Variants in ECM2 observed in about 807,000 individuals in gnomAD.
ECM2 encodes extracellular matrix protein 2, female organ and adipocyte specific.
In ECM2, 57 loss-of-function variants were observed where a neutral mutation model predicts 67.5. The observed-to-expected ratio is 0.84, with a 90% CI of 0.68 to 1.05. The LOEUF is 1.05. Ranked by LOEUF, ECM2 falls within the 50% of genes least tolerant of loss-of-function variation. The probability of loss-of-function intolerance (pLI) is 0.00; values close to 1 mark genes in which losing one functional copy is unlikely to be tolerated. For synonymous variants in ECM2, 258 were observed against 294.5 expected (o/e 0.88, Z 1.27); for missense variants, 741 against 822.8 (o/e 0.90, Z 1.22).
At chr9:92,546,470 G>C in the ECM2 span, among the ~76,000 whole-genome samples, 1 of 152,140 alleles carries the variant, frequency 6.6e-6, no homozygotes, top group African/African-American at 2.4e-5. Context: ...CCTGAAGCCA[G>C]CGAGTCCACG....
chr9:92,549,052 G>A, the ECM2 span, among the ~76,000 whole-genome samples: 2 of 152,130 alleles, frequency 1.3e-5, no homozygotes, highest in Non-Finnish European at 2.9e-5. Context: ...ATAAACAATG[G>A]ACAGTGGCAC....
intron 2 of ECM2, among the ~76,000 whole-genome samples, 194 bp downstream of exon 2, chr9:92,522,381 T>C (rs2131243872): frequency 6.6e-6 from 1 of 152,264 alleles, no homozygotes; most frequent in Admixed American, 6.5e-5. Context: ...CCACCGCGCC[T>C]GGCCCTATTT....
At position 92,502,395 on chromosome 9, in the gene ECM2, C is replaced by T. The variant is rs955227641; in HGVS notation, c.1604+118G>A. The T allele has an allele frequency of 5.5e-6, 7 of 1,271,532 alleles. No homozygotes were observed. In the South Asian group the frequency reaches 6.7e-5, roughly 12 times the overall value. The allele number at this position is 1,271,532 out of a possible 1,614,324, so 78.8% of individuals were successfully genotyped here. On this transcript the variant is annotated intron_variant, in intron 8 of 9. Coordinates refer to ENST00000344604, the MANE Select transcript of ECM2 (RefSeq NM_001393.4). Reference sequence around the variant, plus strand: ...GTTCACTAAGAAACGATTCTGTCTCCGAGCCCTTCAGTATCGTCACCTCCC... The same window carrying T: ...GTTCACTAAGAAACGATTCTGTCTCTGAGCCCTTCAGTATCGTCACCTCCC...
rs1257683701 is a variant in ECM2, at chr9:92,512,033, C to T, written c.1148G>A (p.Gly383Asp). Residue 383 changes from glycine to aspartate, a missense_variant, in exon 5 of 10, where the codon GGC becomes GAC. Gly to Asp is a moderately conservative substitution (Grantham distance 94, BLOSUM62 -1). Transcript: ENST00000344604. Reference sequence around the variant, plus strand: ...TACCTTGAATGCTTTTGGACCTATGCCTGAAGAAGTGATATTATTTTTACT... The same window carrying T: ...TACCTTGAATGCTTTTGGACCTATGTCTGAAGAAGTGATATTATTTTTACT... Reference protein sequence around the residue: ...DLSKNNITSSGIGPKAFKLLK... With the variant: ...DLSKNNITSSDIGPKAFKLLK... The T allele has an allele frequency of 4.3e-6, 7 of 1,612,748 alleles. No individual in the cohort carries two copies. Among genetic ancestry groups the T allele is most frequent in the Non-Finnish European group, 3.4e-6 (4 of 1,179,278 alleles).
At chr9:92,506,497 G>C (rs1279969453) in intron 6 of ECM2, among the ~76,000 whole-genome samples, 2 of 152,206 alleles carry the variant, frequency 1.3e-5, no homozygotes, top group Non-Finnish European at 2.9e-5. Context: ...AGGCATCTGA[G>C]TCAGAGGCTC....
intron 3 of ECM2, among the ~76,000 whole-genome samples, chr9:92,516,077 C>CA (rs1004605913): frequency 2.0e-5 from 3 of 149,892 alleles, no homozygotes; most frequent in African/African-American, 7.4e-5. Flanking sequence ...TTTTTTCCCC[C>CA]CCCCGAGACG....
chr9:92,533,303 C>CA (rs1174584000), intron 1 of ECM2, among the ~76,000 whole-genome samples: 361 of 29,884 alleles, frequency 0.012, 44 homozygotes, highest in Non-Finnish European at 0.017. Context: ...CGGTCTCAAA[C>CA]AAAAAAAAAA....
intron 1 of ECM2, among the ~76,000 whole-genome samples, chr9:92,524,854 C>T (rs1291089487): frequency 6.6e-6 from 1 of 152,170 alleles, no homozygotes; most frequent in Non-Finnish European, 1.5e-5. Flanking sequence ...ACCTTGGTCT[C>T]CTTTGCCAAC....
upstream of ECM2, among the ~76,000 whole-genome samples, chr9:92,540,940 G>A (rs1563995478): frequency 6.6e-6 from 1 of 151,874 alleles, no homozygotes; most frequent in African/African-American, 2.4e-5. Context: ...GATTTAGAAA[G>A]CCAAAAGTTG....
At chr9:92,509,869 G>T in intron 6 of ECM2, 30 bp downstream of exon 6, 2 of 1,585,388 alleles carry the variant, frequency 1.3e-6, no homozygotes, top group Non-Finnish European at 1.7e-6. Flanking sequence ...TTATAAGGAA[G>T]CATATCATTG....
At chr9:92,502,384 G>T (rs568087825) in intron 8 of ECM2, 129 bp downstream of exon 8, 24 of 1,179,856 alleles carry the variant, frequency 2.0e-5, no homozygotes, top group Middle Eastern at 4.9e-4. Context: ...ACTAAGAAAC[G>T]ATTCTGTCTC....
chr9:92,522,516 C>T, intron 2 of ECM2, 59 bp downstream of exon 2: 1 of 1,448,286 alleles, frequency 6.9e-7, no homozygotes, highest in South Asian at 1.5e-5. Flanking sequence ...CTTCTCTTTC[C>T]CCATACCATC....
chr9:92,497,596 C>T (rs989593078), intron 9 of ECM2, among the ~76,000 whole-genome samples: 29 of 150,736 alleles, frequency 1.9e-4, no homozygotes, highest in African/African-American at 7.1e-4. Context: ...TGCACTTCTG[C>T]CTGGGCAACA....
In ECM2 at chr9:92,517,293, C is replaced by A. The variant is rs565788286; in HGVS notation, c.481+394G>T. 7 of 255,686 alleles carry A rather than the reference C, an allele frequency of 2.7e-5. No individual in the cohort carries two copies. The East Asian group carries it at 6.4e-4, about 23-fold the overall frequency. The allele number at this position is 255,686 out of a possible 1,614,324, so 15.8% of individuals were successfully genotyped here. On this transcript the variant is annotated intron_variant, in intron 3 of 9. Coordinates refer to ENST00000344604, the MANE Select transcript of ECM2 (RefSeq NM_001393.4). ...ATGCAAATCACTCTTCCTTTGTTTACCCTGGCTTCAAGATGATAAAGGCAC... is the reference window on the plus strand; with the variant it reads ...ATGCAAATCACTCTTCCTTTGTTTAACCTGGCTTCAAGATGATAAAGGCAC...
chr9:92,530,225 A>G (rs1301380487), intron 1 of ECM2, among the ~76,000 whole-genome samples: 2 of 152,180 alleles, frequency 1.3e-5, no homozygotes, highest in African/African-American at 4.8e-5. Context: ...GTCATTAAAA[A>G]TTTGTCAAAA....
At chr9:92,550,883 C>T in the ECM2 span, among the ~76,000 whole-genome samples, 1 of 152,142 alleles carries the variant, frequency 6.6e-6, no homozygotes, top group African/African-American at 2.4e-5. Context: ...CAGCCCGCCA[C>T]ACTTTTCTAC....
At chr9:92,523,271 C>G (rs933259420) in intron 1 of ECM2, among the ~76,000 whole-genome samples, 1 of 152,062 alleles carries the variant, frequency 6.6e-6, no homozygotes. Flanking sequence ...TTACCTTTAT[C>G]TTTAGACCAG....
At chr9:92,513,702 C>G (rs1344274650) in intron 4 of ECM2, among the ~76,000 whole-genome samples, 2 of 152,136 alleles carry the variant, frequency 1.3e-5, no homozygotes, top group East Asian at 3.8e-4. Context: ...TATGATTCCA[C>G]TTATGTGACA....
At chr9:92,556,385 G>GTATA in the ECM2 span, among the ~76,000 whole-genome samples, 1 of 152,088 alleles carries the variant, frequency 6.6e-6, no homozygotes, top group African/African-American at 2.4e-5. Context: ...GAAATGTTCT[G>GTATA]TATATATATC....
Sources: allele counts gnomAD v4.1 joint callset (sites outside exome capture counted in the v4.1 genomes callset), GRCh38; gene constraint gnomAD v4.1.1; transcripts MANE v1.5; gene names NCBI Gene and HGNC (gene_info 2026-07-23, HGNC 2026-07-21).